The following SLFN12L variants were observed in gnomAD, a reference collection of about 807,000 sequenced individuals.
SLFN12L encodes the protein schlafen family member 12-like.
Under a neutral mutation model 34.8 loss-of-function variants are expected in SLFN12L, and 34 were observed. The ratio of observed to expected loss-of-function variants is 0.98; its 90% confidence interval spans 0.74 to 1.30. The LOEUF (loss-of-function observed/expected upper bound fraction) is 1.30. SLFN12L is among the 50% of genes most tolerant of loss of function. The pLI is 0.00. For missense variants in SLFN12L, 703 were observed against 696.2 expected (o/e 1.01, Z -0.11); for synonymous variants, 259 against 247.5 (o/e 1.05, Z -0.44).
chr17:35,521,795 G>T (rs1275743297), intron 2 of SLFN12L, among the ~76,000 whole-genome samples: 4 of 152,204 alleles, frequency 2.6e-5, no homozygotes. Flanking sequence ...GATTGCTTGA[G>T]CTCAGGAAGT....
intron 2 of SLFN12L, among the ~76,000 whole-genome samples, chr17:35,491,686 G>A (rs550251802): frequency 6.6e-6 from 1 of 152,236 alleles, no homozygotes; most frequent in Non-Finnish European, 1.5e-5. Flanking sequence ...GCATGTCTTT[G>A]AGGTCTGCTG....
At chr17:35,530,497 AAAG>A (rs2072395348) in intron 1 of SLFN12L, among the ~76,000 whole-genome samples, 5 of 37,822 alleles carry the variant, frequency 1.3e-4, no homozygotes, top group Admixed American at 2.6e-4. Context: ...AGAAAGAAAG[AAAG>A]AAAGAAAGAA....
intron 2 of SLFN12L, among the ~76,000 whole-genome samples, chr17:35,485,167 C>G (rs1914529238): frequency 6.6e-6 from 1 of 152,096 alleles, no homozygotes; most frequent in African/African-American, 2.4e-5. Flanking sequence ...AAAAAACCAA[C>G]TCTTTATTTT....
Position 35,522,606 on chromosome 17 carries a change from C to T in SLFN12L, c.-242G>A, listed in dbSNP as rs937345990. 5.6e-6 allele frequency: 9 copies of T among 1,610,214 alleles called. No individual in the cohort carries two copies. Among genetic ancestry groups the T allele is most frequent in the Admixed American group, 1.7e-5 (1 of 59,466 alleles). ...AACTATAGGACGCAGGGTAATCCATCGGAGACACTGCAGCCTCCAAAGCCT... is the reference window on the plus strand; with the variant it reads ...AACTATAGGACGCAGGGTAATCCATTGGAGACACTGCAGCCTCCAAAGCCT... On this transcript the variant is annotated 5_prime_UTR_variant, in exon 2 of 5. Transcript: ENST00000628453.
intron 1 of SLFN12L, among the ~76,000 whole-genome samples, chr17:35,527,882 G>C (rs1392391585): frequency 6.6e-6 from 1 of 152,098 alleles, no homozygotes; most frequent in Non-Finnish European, 1.5e-5. Context: ...GAAATAAAGG[G>C]TATTCAAGTA....
intron 1 of SLFN12L, among the ~76,000 whole-genome samples, chr17:35,531,548 A>G (rs150899217): frequency 6.3e-4 from 96 of 152,288 alleles, no homozygotes; most frequent in Non-Finnish European, 1.1e-3. Context: ...TTTCAAGTAT[A>G]GCATGCCATT....
At chr17:35,530,937 T>C (rs1221028673) in intron 1 of SLFN12L, among the ~76,000 whole-genome samples, 1 of 152,242 alleles carries the variant, frequency 6.6e-6, no homozygotes, top group Non-Finnish European at 1.5e-5. Flanking sequence ...AGAATCTGTC[T>C]GCTGGGGACA....
intron 2 of SLFN12L, among the ~76,000 whole-genome samples, chr17:35,509,220 G>C (rs112489086): frequency 7.2e-5 from 11 of 152,164 alleles, no homozygotes. Context: ...TTACTGTAGG[G>C]GATGAGGGAG....
chr17:35,532,538 T>C (rs1326422061), intron 1 of SLFN12L, among the ~76,000 whole-genome samples: 1 of 152,120 alleles, frequency 6.6e-6, no homozygotes, highest in African/African-American at 2.4e-5. Context: ...AGGGACGTTA[T>C]CAAGAAAAAT....
At chr17:35,518,196 A>G (rs1299138097) in intron 2 of SLFN12L, among the ~76,000 whole-genome samples, 1 of 152,226 alleles carries the variant, frequency 6.6e-6, no homozygotes, top group Non-Finnish European at 1.5e-5. Flanking sequence ...CAAATTTACA[A>G]GAGAAAAACA....
chr17:35,477,955 GA>G (rs1914111171), intron 4 of SLFN12L, 119 bp downstream of exon 4: 4 of 656,570 alleles, frequency 6.1e-6, no homozygotes, highest in Admixed American at 7.0e-5. Context: ...AAACACCAAA[GA>G]ATTTCCATAA....
intron 1 of SLFN12L, among the ~76,000 whole-genome samples, chr17:35,532,718 C>T (rs1425635969): frequency 6.6e-6 from 1 of 152,010 alleles, no homozygotes; most frequent in African/African-American, 2.4e-5. Flanking sequence ...ACAGTGAAAT[C>T]CTCACCCCTA....
intron 2 of SLFN12L, among the ~76,000 whole-genome samples, chr17:35,521,898 C>A (rs1248439032): frequency 6.6e-6 from 1 of 151,818 alleles, no homozygotes; most frequent in Non-Finnish European, 1.5e-5. Flanking sequence ...TGACCCGAGT[C>A]GGTTTTCTTT....
In SLFN12L at chr17:35,505,033, G is replaced by A. The variant is rs576177183; in HGVS notation, c.86+17246C>T. On this transcript the variant is annotated intron_variant, in intron 2 of 4. Coordinates refer to ENST00000628453, the MANE Select transcript of SLFN12L (RefSeq NM_001363830.2). ...CCCTTATGGGTCTTTCAACTCTCAC[G>A]TCTATTTAGATGCAATTGAAGTCCC... Among the ~76,000 whole-genome samples, 189 of 152,266 alleles carry A rather than the reference G, an allele frequency of 1.2e-3. 1 individual carries two copies. Among genetic ancestry groups the A allele is most frequent in the Non-Finnish European group, 2.0e-3 (138 of 68,022 alleles).
intron 2 of SLFN12L, among the ~76,000 whole-genome samples, chr17:35,505,632 A>T (rs569097796): frequency 1.3e-5 from 2 of 152,278 alleles, no homozygotes; most frequent in East Asian, 3.9e-4. Context: ...AGTTGAACAT[A>T]ACTGTGTAGA....
intron 2 of SLFN12L, chr17:35,490,308 G>A (rs540656048): frequency 8.9e-5 from 130 of 1,456,922 alleles, no homozygotes; most frequent in Middle Eastern, 5.8e-4. Context: ...GCACTAAGAA[G>A]TCCAGATACT....
intron 2 of SLFN12L, among the ~76,000 whole-genome samples, chr17:35,499,369 T>A (rs1041076194): frequency 1.7e-4 from 26 of 152,196 alleles, no homozygotes; most frequent in African/African-American, 5.8e-4. Flanking sequence ...AAACAATTTT[T>A]AGCAACGTAA....
In SLFN12L at chr17:35,530,502, A is replaced by AAG. The variant is rs1225835544; in HGVS notation, c.-606+7069_-606+7070dup. Among the ~76,000 whole-genome samples, 36 of 34,862 alleles carry AAG rather than the reference A, an allele frequency of 1.0e-3. 1 individual carries two copies. Among genetic ancestry groups the AAG allele is most frequent in the African/African-American group, 2.6e-3 (33 of 12,576 alleles). The allele number at this position is 34,862 out of a possible 152,430, so 22.9% of individuals were successfully genotyped here. A position where few individuals can be genotyped will look rare whatever the true frequency, so the allele number is the denominator to read the frequency against. ...AAAGAAAGAAAGAAAGAAAGAAAGAAAGAAAGAAAGAAAAGAAAAGAAAAG... is the reference window on the plus strand; with the variant it reads ...AAAGAAAGAAAGAAAGAAAGAAAGAAAGAGAAAGAAAGAAAAGAAAAGAAAAG... On this transcript the variant is annotated intron_variant, in intron 1 of 4. Coordinates refer to ENST00000628453, the MANE Select transcript of SLFN12L (RefSeq NM_001363830.2).
intron 2 of SLFN12L, chr17:35,490,659 C>T (rs1313550787): frequency 2.1e-6 from 2 of 972,572 alleles, no homozygotes; most frequent in Non-Finnish European, 3.3e-6. Flanking sequence ...TCCCAAGCTG[C>T]ACGCTGGACC....
Sources: allele counts gnomAD v4.1 joint callset (sites outside exome capture counted in the v4.1 genomes callset), GRCh38; gene constraint gnomAD v4.1.1; transcripts MANE v1.5; gene names NCBI Gene and HGNC (gene_info 2026-07-23, HGNC 2026-07-21).